DENND6A: variants seen among roughly 807,000 people sequenced by gnomAD.
DENND6A encodes the protein DENN domain containing 6A, also known as protein DENND6A.
In DENND6A, 43 loss-of-function variants were observed where a neutral mutation model predicts 95.5. The observed-to-expected ratio is 0.45, with a 90% CI of 0.35 to 0.58. DENND6A has a LOEUF of 0.58. Among genes scored for constraint, DENND6A ranks in the 20% least tolerant of loss-of-function variants. The pLI is 0.00. For synonymous variants in DENND6A, 257 were observed against 260.4 expected (o/e 0.99, Z 0.13); for missense variants, 574 against 736.0 (o/e 0.78, Z 2.55).
chr3:57,646,414 A>G lies in DENND6A; in HGVS notation c.843T>C (p.His281=). 6.2e-7 allele frequency: 1 copy of G among 1,613,818 alleles called. No individual in the cohort carries two copies. Among genetic ancestry groups the G allele is most frequent in the South Asian group, 1.1e-5 (1 of 91,020 alleles). ...GCACCAGCTCCCAGAGCATCTGACT[A>G]TGAAGGAAAACTGGGCAGAAACACC... ...IFRCFCPVFL[H]SQMLWELVLL... The change falls in exon 10 of 20, where the codon CAT becomes CAC. Residue 281 remains histidine, a synonymous_variant. Transcript: ENST00000311128.
intron 1 of DENND6A, among the ~76,000 whole-genome samples, chr3:57,690,744 T>C (rs1331577049): frequency 6.7e-6 from 1 of 148,682 alleles, no homozygotes; most frequent in Non-Finnish European, 1.5e-5. Context: ...ACATGAAATA[T>C]AAACAAGATC....
chr3:57,692,955 C>G lies in DENND6A; in HGVS notation c.64G>C (p.Ala22Pro). ...GGCGCCTCGCGGCCCTCGGCCCCTG[C>G]CACCGCTTCGTCCAACGGCCTTCGA... ...GSRRPLDEAV[A>P]GAEGREAPAL... Residue 22 changes from alanine to proline, a missense_variant, in exon 1 of 20, where the codon GCA (alanine) becomes CCA (proline). Coordinates refer to ENST00000311128, the MANE Select transcript of DENND6A (RefSeq NM_152678.3). The G allele has an allele frequency of 6.5e-7, 1 of 1,547,016 alleles. No homozygotes were observed.
At position 57,633,308 on chromosome 3, in the gene DENND6A, C is replaced by G. The variant is rs375894672; in HGVS notation, c.1310G>C (p.Arg437Pro). The G allele has an allele frequency of 1.2e-6, 2 of 1,613,590 alleles. No individual in the cohort carries two copies. Among genetic ancestry groups the G allele is most frequent in the African/African-American group, 1.3e-5 (1 of 74,864 alleles). ...RPSEAQSVIL[R>P]RYFLELTQSF... is the part of the protein sequence containing the mutation. The stretch of plus-strand genomic sequence containing the variant: ...TTGTGTCAGTTCCAAAAAATAGCGT[C>G]GAAGAATAACACTTTGAGCCTCAGA... The change falls in exon 15 of 20, where the codon CGA (arginine) becomes CCA (proline). Residue 437 changes from arginine (R) to proline (P), a missense_variant. Around this residue, in one of 2 missense-constraint regions of DENND6A, gnomAD observed 452 missense variants for 630.9 expected, o/e 0.72. Transcript: ENST00000311128.
intron 3 of DENND6A, among the ~76,000 whole-genome samples, chr3:57,668,918 C>G (rs369412792): frequency 6.6e-5 from 10 of 152,112 alleles, no homozygotes; most frequent in Non-Finnish European, 1.3e-4. Flanking sequence ...CGTCGCCCAG[C>G]CTGGAGTGCA....
At position 57,653,480 on chromosome 3, in the gene DENND6A, T is replaced by C. The variant is rs532300253; in HGVS notation, c.818+4200A>G. Among the ~76,000 whole-genome samples, 38 of 152,046 alleles carry C rather than the reference T, an allele frequency of 2.5e-4. 1 individual carries two copies. In the South Asian group the frequency reaches 7.7e-3, roughly 31 times the overall value. ...TTAGTAGTAGGCCGGGCGCGGTGGCTCACGCCTGTAATCCCAGCACTTTGG... is the reference window on the plus strand; with the variant it reads ...TTAGTAGTAGGCCGGGCGCGGTGGCCCACGCCTGTAATCCCAGCACTTTGG... On this transcript the variant is annotated intron_variant, in intron 9 of 19. Coordinates refer to ENST00000311128, the MANE Select transcript of DENND6A (RefSeq NM_152678.3).
chr3:57,650,980 C>T (rs2071197145), intron 9 of DENND6A, among the ~76,000 whole-genome samples: 1 of 152,082 alleles, frequency 6.6e-6, no homozygotes, highest in Admixed American at 6.5e-5. Flanking sequence ...GATGGGGTTT[C>T]TCCATGCCAG....
chr3:57,635,021 T>A (rs919304876), intron 12 of DENND6A, among the ~76,000 whole-genome samples: 1 of 152,232 alleles, frequency 6.6e-6, no homozygotes, highest in African/African-American at 2.4e-5. Flanking sequence ...TTCATTAATA[T>A]CTATCATTAC....
chr3:57,681,414 A>G (rs913332915), intron 1 of DENND6A, among the ~76,000 whole-genome samples: 3 of 151,862 alleles, frequency 2.0e-5, no homozygotes, highest in African/African-American at 4.8e-5. Context: ...CAGTGAGCCG[A>G]GATCACGCCA....
At chr3:57,652,140 G>A (rs1483790700) in intron 9 of DENND6A, among the ~76,000 whole-genome samples, 22 of 152,182 alleles carry the variant, frequency 1.4e-4, no homozygotes, top group African/African-American at 3.1e-4. Flanking sequence ...GTTCTTGAGC[G>A]CGGACTGGAT....
chr3:57,687,358 G>A (rs960329684), intron 1 of DENND6A, among the ~76,000 whole-genome samples: 13 of 152,206 alleles, frequency 8.5e-5, no homozygotes, highest in Non-Finnish European at 1.5e-4. Context: ...ACGGCTGAGA[G>A]AGGTGATGAA....
At chr3:57,649,922 TACACAC>T (rs5849223) in intron 9 of DENND6A, among the ~76,000 whole-genome samples, 2 of 148,412 alleles carry the variant, frequency 1.3e-5, no homozygotes, top group Non-Finnish European at 3.0e-5. Context: ...TGTATATATA[TACACAC>T]ACACACACAC....
intron 15 of DENND6A, chr3:57,631,276 A>C: frequency 4.1e-6 from 1 of 246,096 alleles, no homozygotes; most frequent in Non-Finnish European, 7.8e-6. Context: ...GGCTCACTAC[A>C]ACCTCTGCCC....
intron 9 of DENND6A, among the ~76,000 whole-genome samples, chr3:57,652,676 A>C (rs2071235320): frequency 6.6e-6 from 1 of 152,228 alleles, no homozygotes; most frequent in Non-Finnish European, 1.5e-5. Flanking sequence ...AGAAGCTTGG[A>C]GGATACCACA....
chr3:57,689,288 G>C (rs2077239480), intron 1 of DENND6A, among the ~76,000 whole-genome samples: 1 of 150,000 alleles, frequency 6.7e-6, no homozygotes, highest in Admixed American at 6.6e-5. Context: ...CAAGTTTTCA[G>C]CAATGAGTAT....
At chr3:57,664,397 C>T (rs116397222) in intron 4 of DENND6A, among the ~76,000 whole-genome samples, 1 of 152,096 alleles carries the variant, frequency 6.6e-6, no homozygotes, top group Non-Finnish European at 1.5e-5. Flanking sequence ...TAAACTTTGG[C>T]TCAGTTCCTT....
intron 11 of DENND6A, among the ~76,000 whole-genome samples, chr3:57,642,588 T>C (rs139266897): frequency 3.3e-5 from 5 of 152,078 alleles, no homozygotes; most frequent in African/African-American, 4.8e-5. Flanking sequence ...AATGAGAATA[T>C]TGTTGCCCGA....
At position 57,646,336 on chromosome 3, in the gene DENND6A, C is replaced by T; in HGVS notation, c.921G>A (p.Glu307=). The change falls in exon 10 of 20, where the codon GAG becomes GAA. Residue 307 remains glutamate (E), a synonymous_variant. Transcript: ENST00000311128. The part of the protein sequence containing the change: ...VMAPSPSESS[E]TVLALVNCIS... ...CTCACTTAACAAGTGCCAATACAGTCTCTGATGATTCCGATGGTGATGGCG... is the reference window on the plus strand; with the variant it reads ...CTCACTTAACAAGTGCCAATACAGTTTCTGATGATTCCGATGGTGATGGCG... 1 of 1,613,748 alleles carries T rather than the reference C, an allele frequency of 6.2e-7. No homozygotes were observed. The highest frequency in any genetic ancestry group is 8.5e-7 in the Non-Finnish European group (1 of 1,179,942).
At chr3:57,654,969 A>T (rs550917575) in intron 9 of DENND6A, 1 of 222,772 alleles carries the variant, frequency 4.5e-6, no homozygotes, top group South Asian at 1.6e-4. Context: ...TAAATGCTTG[A>T]TATAATACTA....
chr3:57,663,483 A>T lies in DENND6A; in HGVS notation c.513+153T>A, dbSNP rs1196921713. On this transcript the variant is annotated intron_variant, in intron 5 of 19. Coordinates refer to ENST00000311128, the MANE Select transcript of DENND6A (RefSeq NM_152678.3). ...CACCTCAAAAAAAAAAAAAAAAAAA[A>T]AAAAATATATATATACACACACACA... Among the ~76,000 whole-genome samples the T allele has an allele frequency of 3.8e-3, 444 of 117,672 alleles. 1 individual carries two copies. The highest frequency in any genetic ancestry group is 0.019 in the African/African-American group (411 of 21,844). 77.2% of individuals were successfully genotyped at this position (117,672 alleles called of 152,430 possible).
Sources: allele counts gnomAD v4.1 joint callset (sites outside exome capture counted in the v4.1 genomes callset), GRCh38; gene constraint gnomAD v4.1.1; regional missense constraint gnomAD v4.1.1; transcripts MANE v1.5; gene names NCBI Gene and HGNC (gene_info 2026-07-23, HGNC 2026-07-21).